The following AP1AR variants were observed in gnomAD, a reference collection of about 807,000 sequenced individuals.
AP1AR encodes the protein AP-1 complex-associated regulatory protein.
A neutral mutation model predicts 46.3 loss-of-function variants in AP1AR; 29 were observed. That is an observed-to-expected ratio of 0.63 (90% CI 0.47 to 0.85). The LOEUF (loss-of-function observed/expected upper bound fraction) is 0.85, where lower values mean the gene tolerates loss of function less well. AP1AR is among the 40% of genes least tolerant of loss of function. The pLI, the probability that AP1AR is intolerant of heterozygous loss-of-function variation, is 0.00. For missense variants in AP1AR, 357 were observed against 356.3 expected, an observed-to-expected ratio of 1.00 and a Z score of -0.02; for synonymous variants, 122 against 122.9, an observed-to-expected ratio of 0.99 and a Z score of 0.05.
At chr4:112,237,633 T>C (rs1301590703) in intron 1 of AP1AR, among the ~76,000 whole-genome samples, 1 of 151,846 alleles carries the variant, frequency 6.6e-6, no homozygotes, top group Non-Finnish European at 1.5e-5. Context: ...TTTTGTATTT[T>C]TTGTAGAGAC....
intron 1 of AP1AR, among the ~76,000 whole-genome samples, chr4:112,249,131 A>G (rs1337215079): frequency 6.6e-6 from 1 of 151,976 alleles, no homozygotes; most frequent in Non-Finnish European, 1.5e-5. Flanking sequence ...TGTCTCTACT[A>G]AAAATACAAA....
chr4:112,232,006 C>G lies in AP1AR; in HGVS notation c.-86C>G. 1 of 1,232,676 alleles carries G rather than the reference C, an allele frequency of 8.1e-7. No individual in the cohort carries two copies. Among genetic ancestry groups the G allele is most frequent in the Non-Finnish European group, 1.0e-6 (1 of 957,780 alleles). 76.4% of individuals were successfully genotyped at this position (1,232,676 alleles called of 1,614,324 possible). On this transcript the variant is annotated 5_prime_UTR_variant, in exon 1 of 10. Coordinates refer to ENST00000274000, the MANE Select transcript of AP1AR (RefSeq NM_018569.6). ...TCGGTCCTTGAACCCCATTTCGGCT[C>G]GTGCCGTGCGGATGCAGCTGCCGGG... is the stretch of plus-strand genomic sequence containing the variant.
intron 1 of AP1AR, among the ~76,000 whole-genome samples, chr4:112,245,081 T>C (rs956459715): frequency 6.6e-6 from 1 of 152,180 alleles, no homozygotes; most frequent in African/African-American, 2.4e-5. Flanking sequence ...TTCTCCTTTA[T>C]TTTTAGATTC....
chr4:112,254,876 G>T, intron 3 of AP1AR, 103 bp downstream of exon 3: 2 of 576,994 alleles, frequency 3.5e-6, no homozygotes, highest in Non-Finnish European at 5.4e-6. Context: ...TTTTGTTTTA[G>T]AATTTTTATT....
chr4:112,258,534 G>C (rs995548804), intron 4 of AP1AR, among the ~76,000 whole-genome samples: 17 of 152,078 alleles, frequency 1.1e-4, no homozygotes, highest in Non-Finnish European at 1.6e-4. Flanking sequence ...CCTTAGAGAA[G>C]AGGCTGTTTG....
chr4:112,237,130 C>A (rs779464150), intron 1 of AP1AR, among the ~76,000 whole-genome samples: 1 of 152,146 alleles, frequency 6.6e-6, no homozygotes, highest in African/African-American at 2.4e-5. Flanking sequence ...TTCCCCAAGA[C>A]GGAATCTTGC....
intron 1 of AP1AR, among the ~76,000 whole-genome samples, chr4:112,234,978 T>A (rs1261765497): frequency 1.3e-5 from 2 of 152,228 alleles, no homozygotes; most frequent in East Asian, 3.8e-4. Context: ...CTTTTTCCAG[T>A]TTATAAAATA....
chr4:112,240,245 C>T (rs1040400806), intron 1 of AP1AR, among the ~76,000 whole-genome samples: 1 of 152,082 alleles, frequency 6.6e-6, no homozygotes, highest in Non-Finnish European at 1.5e-5. Context: ...TTCCTTGAAT[C>T]TATTTCTTTC....
At chr4:112,247,961 A>G (rs547740557) in intron 1 of AP1AR, among the ~76,000 whole-genome samples, 1 of 152,362 alleles carries the variant, frequency 6.6e-6, no homozygotes, top group Non-Finnish European at 1.5e-5. Flanking sequence ...GATCATCAGT[A>G]AAAGTGAGGC....
chr4:112,232,073 G>C lies in AP1AR; in HGVS notation c.-19G>C. The C allele has an allele frequency of 7.4e-7, 1 of 1,350,908 alleles. No homozygotes were observed. The highest frequency in any genetic ancestry group is 9.6e-7 in the Non-Finnish European group (1 of 1,043,216). The allele number at this position is 1,350,908 out of a possible 1,614,324, so 83.7% of individuals were successfully genotyped here. On this transcript the variant is annotated 5_prime_UTR_variant, in exon 1 of 10. Transcript: ENST00000274000. ...GAGCGGGAGGAGGAGGAGGAGCGGC[G>C]GCGCCTGGGCGGCATGCGATGGGGA...
Position 112,265,756 on chromosome 4 carries a change from G to C in AP1AR, c.463G>C (p.Glu155Gln), listed in dbSNP as rs754855886. ...CAGTTCAGGACCAGAAGATGACTTC[G>C]AATCTTGTTTGAGAAATATGAAGTC... is the stretch of plus-strand genomic sequence containing the variant. ...YQSSGPEDDF[E>Q]SCLRNMKSQY... Residue 155 changes from glutamate (E) to glutamine (Q), a missense_variant, in exon 8 of 10, where the codon GAA (glutamate) becomes CAA (glutamine). Physicochemically the swap from Glu to Gln is conservative, Grantham distance 29 (BLOSUM62 2). Around this residue, in one of 2 missense-constraint regions of AP1AR, gnomAD observed 269 missense variants for 223.6 expected, o/e 1.20. Coordinates refer to ENST00000274000, the MANE Select transcript of AP1AR (RefSeq NM_018569.6). The C allele has an allele frequency of 6.2e-7, 1 of 1,609,426 alleles. No homozygotes were observed. Among genetic ancestry groups the C allele is most frequent in the African/African-American group, 1.3e-5 (1 of 74,696 alleles).
Position 112,253,283 on chromosome 4 carries a change from T to TA in AP1AR, c.132+32dup, listed in dbSNP as rs1322391377. ...TAAGTAGTCCTTAATTTGATTGAATTAAAAATGCCTTCAGAAAGGCGGAAG... is the reference window on the plus strand; with the variant it reads ...TAAGTAGTCCTTAATTTGATTGAATTAAAAAATGCCTTCAGAAAGGCGGAAG... On this transcript the variant is annotated intron_variant, in intron 2 of 9. Coordinates refer to ENST00000274000, the MANE Select transcript of AP1AR (RefSeq NM_018569.6). 12 of 1,581,446 alleles carry TA rather than the reference T, an allele frequency of 7.6e-6. No individual in the cohort carries two copies. In the African/African-American group the frequency reaches 1.2e-4, roughly 16 times the overall value.
chr4:112,255,627 A>G (rs1726159343), intron 3 of AP1AR, among the ~76,000 whole-genome samples: 1 of 152,106 alleles, frequency 6.6e-6, no homozygotes, highest in African/African-American at 2.4e-5. Flanking sequence ...CTACATGTTT[A>G]TTCTACAGTT....
chr4:112,245,522 G>A (rs535952827), intron 1 of AP1AR, among the ~76,000 whole-genome samples: 82 of 152,284 alleles, frequency 5.4e-4, no homozygotes, highest in Non-Finnish European at 9.7e-4. Context: ...AAAATCCAAT[G>A]CATGTTTGAC....
intron 2 of AP1AR, among the ~76,000 whole-genome samples, chr4:112,254,377 C>T (rs1726091607): frequency 6.6e-6 from 1 of 152,092 alleles, no homozygotes; most frequent in Non-Finnish European, 1.5e-5. Flanking sequence ...AATAATTTTC[C>T]TTCTTACAAC....
chr4:112,272,108 T>G lies in AP1AR; in HGVS notation c.*3699T>G, dbSNP rs1294264336. On this transcript the variant is annotated 3_prime_UTR_variant, in exon 10 of 10. Coordinates refer to ENST00000274000, the MANE Select transcript of AP1AR (RefSeq NM_018569.6). ...GGGATGGAAACTGGGGAGTTGGGGA[T>G]GAAGAATAAAGAACAGCTAATGCAG... 6.6e-6 allele frequency among the ~76,000 whole-genome samples: 1 copy of G among 151,992 alleles called. No individual in the cohort carries two copies. Among genetic ancestry groups the G allele is most frequent in the Non-Finnish European group, 1.5e-5 (1 of 67,990 alleles).
intron 1 of AP1AR, among the ~76,000 whole-genome samples, chr4:112,236,552 C>G (rs1194249126): frequency 1.3e-5 from 2 of 152,076 alleles, no homozygotes; most frequent in Non-Finnish European, 2.9e-5. Context: ...AGGCACCCAC[C>G]ACCATGCCTG....
intron 1 of AP1AR, among the ~76,000 whole-genome samples, chr4:112,250,248 T>G (rs1193304473): frequency 6.6e-6 from 1 of 152,234 alleles, no homozygotes; most frequent in Non-Finnish European, 1.5e-5. Flanking sequence ...TAGTTTATTA[T>G]AGGAAACATT....
intron 4 of AP1AR, among the ~76,000 whole-genome samples, chr4:112,259,336 C>T (rs1368030932): frequency 6.6e-6 from 1 of 152,096 alleles, no homozygotes; most frequent in East Asian, 1.9e-4. Flanking sequence ...GCTACACTAC[C>T]TGGGGTTCAG....
Sources: gnomAD v4.1 joint callset for allele counts (sites outside exome capture counted in the v4.1 genomes callset) on GRCh38, gnomAD v4.1.1 for gene constraint, gnomAD v4.1.1 regional missense constraint, MANE v1.5 for transcripts, NCBI Gene and HGNC (gene_info 2026-07-23, HGNC 2026-07-21) for gene names.